The following MSX2 variants were observed in gnomAD, a reference collection of about 807,000 sequenced individuals.
MSX2 encodes homeobox protein MSX-2.
Under a neutral mutation model 18.4 loss-of-function variants are expected in MSX2, and 10 were observed. The ratio of observed to expected loss-of-function variants is 0.54; its 90% CI spans 0.34 to 0.92. MSX2 has a LOEUF of 0.92. Among genes scored for constraint, MSX2 ranks in the 40% least tolerant of loss-of-function variants. The pLI is 0.02. For missense variants in MSX2, 339 were observed against 364.0 expected (o/e 0.93, Z 0.56); for synonymous variants, 170 against 165.6 (o/e 1.03, Z -0.20).
rs1581520732 is a variant in MSX2, at chr5:174,729,793, G to A, written c.*210G>A. 16 of 498,864 alleles carry A rather than the reference G, an allele frequency of 3.2e-5. No individual in the cohort carries two copies. The South Asian group carries it at 4.7e-4, about 15-fold the overall frequency. The allele number at this position is 498,864 out of a possible 1,614,324, so 30.9% of individuals were successfully genotyped here. On this transcript the variant is annotated 3_prime_UTR_variant, in exon 2 of 2. Transcript: ENST00000239243. ...CCTGTTTTCTTGGTGTAATCTTCCA[G>A]ATGCCCCCTTTTCCTTTCACAAAGA...
At position 174,729,084 on chromosome 5, in the gene MSX2, G is replaced by A. The variant is rs1581519902; in HGVS notation, c.380-75G>A. 2.7e-6 allele frequency: 4 copies of A among 1,459,804 alleles called. No individual in the cohort carries two copies. In the East Asian group the frequency reaches 7.2e-5, roughly 26 times the overall value. The allele number at this position is 1,459,804 out of a possible 1,614,324, so 90.4% of individuals were successfully genotyped here. On this transcript the variant is annotated intron_variant, in intron 1 of 1. Coordinates refer to ENST00000239243, the MANE Select transcript of MSX2 (RefSeq NM_002449.5). Reference sequence around the variant, plus strand: ...AAGGAAAAAACCTAGAGAGATGACGGGGGAGATGGGTTTTTTTTAGTATTA... The same window carrying A: ...AAGGAAAAAACCTAGAGAGATGACGAGGGAGATGGGTTTTTTTTAGTATTA...
intron 1 of MSX2, among the ~76,000 whole-genome samples, chr5:174,727,690 C>T (rs1258089754): frequency 6.6e-6 from 1 of 152,204 alleles, no homozygotes; most frequent in Non-Finnish European, 1.5e-5. Context: ...TTATCCTTCC[C>T]TTTCCCAGAT....
chr5:174,727,237 C>T (rs142084738), intron 1 of MSX2, among the ~76,000 whole-genome samples: 99 of 152,076 alleles, frequency 6.5e-4, no homozygotes, highest in African/African-American at 2.1e-3. Context: ...GTAGGATAAA[C>T]GCTGTTTTGC....
In MSX2 at chr5:174,729,745, T is replaced by C. The variant is rs777389065; in HGVS notation, c.*162T>C. 77 of 698,238 alleles carry C rather than the reference T, an allele frequency of 1.1e-4. No individual in the cohort carries two copies. Among genetic ancestry groups the C allele is most frequent in the Non-Finnish European group, 1.6e-4 (67 of 407,588 alleles). 43.3% of individuals were successfully genotyped at this position (698,238 alleles called of 1,614,324 possible). A position where few individuals can be genotyped will look rare whatever the true frequency, so the allele number is the denominator to read the frequency against. On this transcript the variant is annotated 3_prime_UTR_variant, in exon 2 of 2. Transcript: ENST00000239243. ...GGCCACACGACATAGCTGAAATTTG[T>C]TCTGTAGGCGGAGGCACCAAGCCCT...
intron 1 of MSX2, among the ~76,000 whole-genome samples, chr5:174,725,344 A>G (rs946500811): frequency 6.6e-6 from 1 of 151,896 alleles, no homozygotes; most frequent in Non-Finnish European, 1.5e-5. Context: ...GTCCGTTTCT[A>G]CAGCCCTCGG....
At chr5:174,729,062 G>T (rs1001410827) in intron 1 of MSX2, 97 bp from the exon 2 acceptor site, 5 of 1,311,316 alleles carry the variant, frequency 3.8e-6, no homozygotes, top group Non-Finnish European at 4.3e-6. Flanking sequence ...GGCCCGAAAG[G>T]AAAAAACCTA....
In MSX2 at chr5:174,724,586, CAAAA is replaced by C; in HGVS notation, c.-71_-68del. On this transcript the variant is annotated 5_prime_UTR_variant, in exon 1 of 2. Coordinates refer to ENST00000239243, the MANE Select transcript of MSX2 (RefSeq NM_002449.5). ...CAGCGCGCCCCTCCCGTCTCCGCAG[CAAAA>C]AAGTTTGAGTCGCCGCTGCCGGGTT... The C allele has an allele frequency of 6.5e-7, 1 of 1,538,708 alleles. No homozygotes were observed. The highest frequency in any genetic ancestry group is 8.8e-7 in the Non-Finnish European group (1 of 1,140,310).
chr5:174,726,689 A>G (rs1187747757), intron 1 of MSX2, among the ~76,000 whole-genome samples: 1 of 151,932 alleles, frequency 6.6e-6, no homozygotes, highest in African/African-American at 2.4e-5. Flanking sequence ...ACTGTGGACC[A>G]CATTGAGGGA....
chr5:174,729,943 TC>T lies in MSX2; in HGVS notation c.*361del, dbSNP rs1285975045. 1.3e-5 allele frequency: 2 copies of T among 152,412 alleles called. No individual in the cohort carries two copies. The highest frequency in any genetic ancestry group is 2.9e-5 in the Non-Finnish European group (2 of 68,262). The allele number at this position is 152,412 out of a possible 1,614,324, so 9.4% of individuals were successfully genotyped here. On this transcript the variant is annotated 3_prime_UTR_variant, in exon 2 of 2. Transcript: ENST00000239243. ...AATTTATATACATATGTGCTTTTTTTCTATATCTCACCTTCCCAAAAGACAC... is the reference window on the plus strand; with the variant it reads ...AATTTATATACATATGTGCTTTTTTTTATATCTCACCTTCCCAAAAGACAC...
At chr5:174,727,428 A>C (rs1294290743) in intron 1 of MSX2, among the ~76,000 whole-genome samples, 1 of 152,138 alleles carries the variant, frequency 6.6e-6, no homozygotes, top group Non-Finnish European at 1.5e-5. Flanking sequence ...TACCCTGCCC[A>C]GGCGCACAGT....
chr5:174,728,023 C>CA (rs1327141543), intron 1 of MSX2, among the ~76,000 whole-genome samples: 3 of 152,230 alleles, frequency 2.0e-5, no homozygotes, highest in Non-Finnish European at 4.4e-5. Flanking sequence ...CTCCTCCGCC[C>CA]ACCCACCCTT....
intron 1 of MSX2, among the ~76,000 whole-genome samples, chr5:174,726,286 A>G (rs547665035): frequency 1.3e-5 from 2 of 152,142 alleles, no homozygotes; most frequent in East Asian, 1.9e-4. Flanking sequence ...TCCTTTCACT[A>G]TTTACATCAT....
chr5:174,724,775 G>C lies in MSX2; in HGVS notation c.116G>C (p.Arg39Pro). Residue 39 changes from arginine (R) to proline (P), a missense_variant, in exon 1 of 2, where the codon CGC (arginine) becomes CCC (proline). Coordinates refer to ENST00000239243, the MANE Select transcript of MSX2 (RefSeq NM_002449.5). ...GGAEGAAEER[R>P]VKVSSLPFSV... ...GCCGAGGGGGCCGCGGAGGAGCGCC[G>C]CGTCAAGGTCTCCAGCCTGCCCTTC... 1.3e-6 allele frequency: 2 copies of C among 1,557,480 alleles called. No individual in the cohort carries two copies. The highest frequency in any genetic ancestry group is 1.7e-6 in the Non-Finnish European group (2 of 1,151,358).
chr5:174,725,972 C>T (rs1467568985), intron 1 of MSX2, among the ~76,000 whole-genome samples: 1 of 152,160 alleles, frequency 6.6e-6, no homozygotes, highest in Non-Finnish European at 1.5e-5. Context: ...GTTGCCCACG[C>T]CCTGCTCCTC....
chr5:174,726,465 T>C (rs1760799851), intron 1 of MSX2, among the ~76,000 whole-genome samples: 1 of 152,036 alleles, frequency 6.6e-6, no homozygotes, highest in Non-Finnish European at 1.5e-5. Flanking sequence ...CAAGTTTGGA[T>C]AGTGCTTTAT....
chr5:174,725,270 C>T (rs911960868), intron 1 of MSX2, among the ~76,000 whole-genome samples: 2 of 152,208 alleles, frequency 1.3e-5, no homozygotes, highest in East Asian at 1.9e-4. Context: ...GTCTGAGACT[C>T]CCTCGACATA....
Position 174,724,621 on chromosome 5 carries a change from C to G in MSX2, c.-39C>G, listed in dbSNP as rs1459539526. Reference sequence around the variant, plus strand: ...TGAGTCGCCGCTGCCGGGTTGCCAGCGGAGTCGCGCGTCGGGAGCTACGTA... The same window carrying G: ...TGAGTCGCCGCTGCCGGGTTGCCAGGGGAGTCGCGCGTCGGGAGCTACGTA... On this transcript the variant is annotated 5_prime_UTR_variant, in exon 1 of 2. Transcript: ENST00000239243. The G allele has an allele frequency of 6.4e-7, 1 of 1,563,324 alleles. No individual in the cohort carries two copies. The highest frequency in any genetic ancestry group is 8.7e-7 in the Non-Finnish European group (1 of 1,154,688).
chr5:174,728,226 T>C (rs1760845828), intron 1 of MSX2, among the ~76,000 whole-genome samples: 1 of 152,234 alleles, frequency 6.6e-6, no homozygotes, highest in East Asian at 1.9e-4. Context: ...GTAGAGGGGA[T>C]GACTAAGATG....
chr5:174,730,508 G>T lies in MSX2; in HGVS notation c.*925G>T, dbSNP rs533584141. 5 of 152,468 alleles carry T rather than the reference G, an allele frequency of 3.3e-5. No homozygotes were observed. In the South Asian group the frequency reaches 1.0e-3, roughly 32 times the overall value. 9.4% of individuals were successfully genotyped at this position (152,468 alleles called of 1,614,324 possible). A position where few individuals can be genotyped will look rare whatever the true frequency, so the allele number is the denominator to read the frequency against. ...TTGGGTGGGGGTTTAGTAATTTTCT[G>T]CTTAAAAAATGAGTATCTTGTAACC... On this transcript the variant is annotated 3_prime_UTR_variant, in exon 2 of 2. Transcript: ENST00000239243.
Sources: gnomAD v4.1 joint callset for allele counts (sites outside exome capture counted in the v4.1 genomes callset) on GRCh38, gnomAD v4.1.1 for gene constraint, MANE v1.5 for transcripts, NCBI Gene and HGNC (gene_info 2026-07-23, HGNC 2026-07-21) for gene names.